The following NDST4 variants were observed in gnomAD, a reference collection of about 807,000 sequenced individuals.
NDST4 encodes N-deacetylase and N-sulfotransferase 4, also known as N-heparan sulfate sulfotransferase 4.
Under a neutral mutation model 100.8 loss-of-function variants are expected in NDST4, and 63 were observed. The ratio of observed to expected loss-of-function variants is 0.62; its 90% CI spans 0.51 to 0.77. The LOEUF (loss-of-function observed/expected upper bound fraction) is 0.77, where lower values mean the gene tolerates loss of function less well. Ranked by LOEUF, NDST4 falls within the 30% of genes least tolerant of loss-of-function variation. The pLI is 0.00. For missense variants in NDST4, 943 were observed against 1,018.4 expected (o/e 0.93, Z 1.01); for synonymous variants, 377 against 361.8 (o/e 1.04, Z -0.48).
At chr4:114,986,521 G>T (rs1282929168) in intron 2 of NDST4, among the ~76,000 whole-genome samples, 2 of 151,904 alleles carry the variant, frequency 1.3e-5, no homozygotes, top group Admixed American at 1.3e-4. Context: ...CCTTAAGAAT[G>T]CTGAAATACT....
chr4:114,901,548 C>T (rs567810706), intron 6 of NDST4, among the ~76,000 whole-genome samples: 87 of 151,906 alleles, frequency 5.7e-4, no homozygotes, highest in African/African-American at 2.0e-3. Flanking sequence ...TTCTTGTAGA[C>T]GACATATAGT....
chr4:115,097,062 A>G (rs993392282), intron 1 of NDST4, among the ~76,000 whole-genome samples: 2 of 152,106 alleles, frequency 1.3e-5, no homozygotes, highest in Non-Finnish European at 2.9e-5. Flanking sequence ...TGACTTAGTC[A>G]CAATTTATGT....
intron 2 of NDST4, among the ~76,000 whole-genome samples, chr4:114,982,176 A>T (rs1182152100): frequency 6.6e-6 from 1 of 152,228 alleles, no homozygotes; most frequent in Non-Finnish European, 1.5e-5. Context: ...ACACCTGAAA[A>T]TGTGGAAGCA....
chr4:114,857,338 G>A (rs114909383), intron 7 of NDST4, among the ~76,000 whole-genome samples: 17 of 152,256 alleles, frequency 1.1e-4, no homozygotes, highest in African/African-American at 4.1e-4. Flanking sequence ...AATAGTGATA[G>A]ACCCATCAAA....
intron 3 of NDST4, among the ~76,000 whole-genome samples, chr4:114,972,243 C>A (rs1726530697): frequency 6.6e-6 from 1 of 151,952 alleles, no homozygotes; most frequent in African/African-American, 2.4e-5. Context: ...GTAGATTAAG[C>A]AGCTTCACAT....
At chr4:115,088,032 G>C (rs1480851095) in intron 1 of NDST4, among the ~76,000 whole-genome samples, 1 of 151,336 alleles carries the variant, frequency 6.6e-6, no homozygotes, top group Non-Finnish European at 1.5e-5. Flanking sequence ...TAATAAAAGG[G>C]GAAATGTGAT....
In NDST4 at chr4:115,056,627, C is replaced by A. The variant is rs544026268; in HGVS notation, c.978+19432G>T. 1.5e-3 allele frequency among the ~76,000 whole-genome samples: 230 copies of A among 152,234 alleles called. 2 individuals are homozygous for A. The highest frequency in any genetic ancestry group is 4.6e-4 in the Non-Finnish European group (31 of 68,000). On this transcript the variant is annotated intron_variant, in intron 2 of 13. Transcript: ENST00000264363. ...CAAGTGCATGATAGAATGCCACTCT[C>A]ACAATGAACCATCCAACTTTTATTA...
chr4:114,911,538 C>G (rs1725062239), intron 6 of NDST4, among the ~76,000 whole-genome samples: 2 of 152,070 alleles, frequency 1.3e-5, no homozygotes, highest in Admixed American at 1.3e-4. Flanking sequence ...TTTCTTATGT[C>G]TCTGTACCTA....
rs574530321 is a variant in NDST4, at chr4:114,844,887, TA to T, written c.2115+935del. On this transcript the variant is annotated intron_variant, in intron 10 of 13. Coordinates refer to ENST00000264363, the MANE Select transcript of NDST4 (RefSeq NM_022569.3). ...AATTACAGAAGGGGAATCACATCAC[TA>T]AAAGATCTTTACATCCTTTTTTGTA... 1.3e-3 allele frequency among the ~76,000 whole-genome samples: 202 copies of T among 152,322 alleles called. 1 individual carries two copies. Among genetic ancestry groups the T allele is most frequent in the African/African-American group, 4.5e-3 (189 of 41,560 alleles).
chr4:115,107,128 C>T (rs143487235), intron 1 of NDST4, among the ~76,000 whole-genome samples: 1 of 152,030 alleles, frequency 6.6e-6, no homozygotes, highest in East Asian at 1.9e-4. Flanking sequence ...ACTGCCTCCA[C>T]CCTGGGTGCC....
intron 6 of NDST4, among the ~76,000 whole-genome samples, chr4:114,887,301 GA>G (rs965000390): frequency 1.3e-5 from 2 of 152,148 alleles, no homozygotes; most frequent in East Asian, 1.9e-4. Flanking sequence ...AAGAAAACAT[GA>G]TTTTTTTGTG....
At chr4:114,967,780 ATT>A (rs201953131) in intron 4 of NDST4, among the ~76,000 whole-genome samples, 4 of 151,930 alleles carry the variant, frequency 2.6e-5, no homozygotes, top group African/African-American at 9.7e-5. Context: ...GTAAATCCAT[ATT>A]TTTTTTAAAA....
At chr4:114,874,969 G>T (rs1724227691) in intron 6 of NDST4, among the ~76,000 whole-genome samples, 1 of 152,012 alleles carries the variant, frequency 6.6e-6, no homozygotes, top group African/African-American at 2.4e-5. Context: ...GGATAAAAAT[G>T]GTTTATATAT....
chr4:114,933,748 G>A (rs897254223), intron 6 of NDST4, among the ~76,000 whole-genome samples: 1 of 152,024 alleles, frequency 6.6e-6, no homozygotes, highest in Non-Finnish European at 1.5e-5. Context: ...ACAGGTATAC[G>A]AAAAAATCCT....
intron 2 of NDST4, among the ~76,000 whole-genome samples, chr4:115,047,255 A>G (rs922921783): frequency 1.1e-4 from 16 of 152,136 alleles, no homozygotes; most frequent in Non-Finnish European, 2.1e-4. Context: ...TATGTGTCAA[A>G]CATTGTGTTT....
At chr4:114,900,886 A>G (rs1724822224) in intron 6 of NDST4, among the ~76,000 whole-genome samples, 1 of 152,030 alleles carries the variant, frequency 6.6e-6, no homozygotes, top group Non-Finnish European at 1.5e-5. Context: ...TTTTCTTGAA[A>G]TTTCTTCTTT....
At position 114,936,947 on chromosome 4, in the gene NDST4, C is replaced by A. The variant is rs76995070; in HGVS notation, c.1407+371G>T. ...TTGAGAGGTGTTTTCTTAATCCATG[C>A]AGCCTTACTCTGCCTGTAAAACTCT... On this transcript the variant is annotated intron_variant, in intron 5 of 13. Coordinates refer to ENST00000264363, the MANE Select transcript of NDST4 (RefSeq NM_022569.3). Among the ~76,000 whole-genome samples, 719 of 152,272 alleles carry A rather than the reference C, an allele frequency of 4.7e-3. 4 individuals are homozygous for A. Among genetic ancestry groups the A allele is most frequent in the African/African-American group, 0.017 (695 of 41,550 alleles).
intron 1 of NDST4, among the ~76,000 whole-genome samples, chr4:115,081,683 C>T (rs1266314288): frequency 6.6e-6 from 1 of 152,036 alleles, no homozygotes; most frequent in Non-Finnish European, 1.5e-5. Flanking sequence ...AAATATGTGG[C>T]ATTTATTTTT....
rs552161651 is a variant in NDST4 at position 115,100,394 on chromosome 4, T to G, written c.-247+13050A>C. On this transcript the variant is annotated intron_variant, in intron 1 of 13. Transcript: ENST00000264363. The stretch of plus-strand genomic sequence containing the variant: ...TGTAGGAGATGGTGGTGGGAAAAGT[T>G]GTACACAGAGAAATATGGAAAGTCT... Among the ~76,000 whole-genome samples, 243 of 152,164 alleles carry G rather than the reference T, an allele frequency of 1.6e-3. 1 individual carries two copies. Among genetic ancestry groups the G allele is most frequent in the African/African-American group, 5.6e-3 (232 of 41,540 alleles).
Sources: gnomAD v4.1 joint callset for allele counts (sites outside exome capture counted in the v4.1 genomes callset) on GRCh38, gnomAD v4.1.1 for gene constraint, MANE v1.5 for transcripts, NCBI Gene and HGNC (gene_info 2026-07-23, HGNC 2026-07-21) for gene names.